The following CAMTA1 variants were observed in gnomAD, a reference collection of about 807,000 sequenced individuals.
The protein encoded by CAMTA1 is calmodulin-binding transcription activator 1.
A neutral mutation model predicts 170.9 loss-of-function variants in CAMTA1; 27 were observed. That is an observed-to-expected ratio of 0.16 (90% CI 0.12 to 0.22). The LOEUF is 0.22. Ranked by LOEUF, CAMTA1 falls within the 10% of genes least tolerant of loss-of-function variation. The pLI is 1.00. For missense variants in CAMTA1, 1,619 were observed against 2,217.2 expected (o/e 0.73, Z 5.42); for synonymous variants, 833 against 891.5 (o/e 0.93, Z 1.17).
chr1:7,228,138 C>T (rs1662047572), intron 4 of CAMTA1, among the ~76,000 whole-genome samples: 1 of 152,252 alleles, frequency 6.6e-6, no homozygotes, highest in African/African-American at 2.4e-5. Flanking sequence ...GATTGGGGAA[C>T]ATCATGGCTG....
intron 6 of CAMTA1, among the ~76,000 whole-genome samples, chr1:7,491,747 A>G (rs964620789): frequency 1.3e-5 from 2 of 152,218 alleles, no homozygotes; most frequent in African/African-American, 4.8e-5. Flanking sequence ...TTTCAAGAGG[A>G]TAATAATGTT....
At chr1:7,655,210 A>G (rs1448573488) in intron 7 of CAMTA1, among the ~76,000 whole-genome samples, 1 of 118,800 alleles carries the variant, frequency 8.4e-6, no homozygotes, top group Non-Finnish European at 1.8e-5. Flanking sequence ...ATACACACAA[A>G]CACACCCATC....
chr1:7,547,357 C>T lies in CAMTA1; in HGVS notation c.510+79456C>T, dbSNP rs1240611070. Among the ~76,000 whole-genome samples, 1 of 91,542 alleles carries T rather than the reference C, an allele frequency of 1.1e-5. No homozygotes were observed. The highest frequency in any genetic ancestry group is 3.3e-5 in the African/African-American group (1 of 30,454). 60.1% of individuals were successfully genotyped at this position (91,542 alleles called of 152,430 possible). On this transcript the variant is annotated intron_variant, in intron 6 of 22. Coordinates refer to ENST00000303635, the MANE Select transcript of CAMTA1 (RefSeq NM_015215.4). This position sits in a 1 kb window ranked among gnomAD's most constrained non-coding sequence, Gnocchi z 5.7. ...AATATATGTATCATATGCACACACA[C>T]ACACACACACACACACACACACACA...
At chr1:7,659,768 C>T (rs1327721385) in intron 7 of CAMTA1, among the ~76,000 whole-genome samples, 2 of 152,252 alleles carry the variant, frequency 1.3e-5, no homozygotes, top group Admixed American at 6.5e-5. Context: ...ACAGTCATTA[C>T]TGTCATCACC....
chr1:7,446,144 C>G (rs972189448), intron 5 of CAMTA1, among the ~76,000 whole-genome samples: 3 of 149,814 alleles, frequency 2.0e-5, no homozygotes, highest in African/African-American at 7.5e-5. Context: ...AAAAGAATTT[C>G]TCTCTGGAAT....
chr1:7,418,684 G>T (rs142532781), intron 5 of CAMTA1, among the ~76,000 whole-genome samples: 4 of 152,166 alleles, frequency 2.6e-5, no homozygotes, highest in African/African-American at 9.7e-5. Flanking sequence ...GGAGCCCAAA[G>T]CTGAGCCCCT....
chr1:7,434,949 G>A (rs2092300845), intron 5 of CAMTA1, among the ~76,000 whole-genome samples: 1 of 152,062 alleles, frequency 6.6e-6, no homozygotes, highest in Admixed American at 6.5e-5. Context: ...CTACTGGGTA[G>A]GCTGAGGTAA....
At chr1:6,847,928 G>A (rs1039907276) in intron 3 of CAMTA1, among the ~76,000 whole-genome samples, 3 of 150,638 alleles carry the variant, frequency 2.0e-5, no homozygotes, top group African/African-American at 7.3e-5. Flanking sequence ...GGTCAGGCTG[G>A]TCTTGAACTC....
chr1:7,546,538 C>A (rs2094695621), intron 6 of CAMTA1, among the ~76,000 whole-genome samples: 1 of 152,180 alleles, frequency 6.6e-6, no homozygotes, highest in Admixed American at 6.5e-5. Context: ...ATTGCTGGGT[C>A]AAATGGTATT....
At chr1:6,945,006 C>T (rs911662193) in intron 3 of CAMTA1, among the ~76,000 whole-genome samples, 3 of 152,112 alleles carry the variant, frequency 2.0e-5, no homozygotes, top group Non-Finnish European at 4.4e-5. Flanking sequence ...CGTCGAGGAG[C>T]GCCTGCGTGT....
At chr1:7,061,789 A>G (rs1471559833) in intron 3 of CAMTA1, among the ~76,000 whole-genome samples, 1 of 151,730 alleles carries the variant, frequency 6.6e-6, no homozygotes, top group South Asian at 2.1e-4. Context: ...GCAGCAGAGC[A>G]GGGGGTGGCG....
At chr1:7,386,749 A>G (rs2088040560) in intron 5 of CAMTA1, among the ~76,000 whole-genome samples, 1 of 152,144 alleles carries the variant, frequency 6.6e-6, no homozygotes. Flanking sequence ...CCTGTTTCCC[A>G]AGGCTAAGAA....
At chr1:7,544,806 G>A (rs1334125158) in intron 6 of CAMTA1, among the ~76,000 whole-genome samples, 3 of 152,172 alleles carry the variant, frequency 2.0e-5, no homozygotes, top group African/African-American at 4.8e-5. Context: ...AAGATAACAC[G>A]TGGCAAGAGA....
intron 5 of CAMTA1, among the ~76,000 whole-genome samples, chr1:7,391,202 G>A (rs1263341900): frequency 6.6e-6 from 1 of 152,084 alleles, no homozygotes; most frequent in African/African-American, 2.4e-5. Context: ...TCTCCATGTT[G>A]GTCAGGCTGG....
At position 7,073,425 on chromosome 1, in the gene CAMTA1, C is replaced by T. The variant is rs935103177; in HGVS notation, c.235-17879C>T. On this transcript the variant is annotated intron_variant, in intron 3 of 22. Transcript: ENST00000303635. ...TTTGGGGTAGTCAGTGCAGAGATGACGTTTAAAGTTCTGAGTCTGGGTGAG... is the reference window on the plus strand; with the variant it reads ...TTTGGGGTAGTCAGTGCAGAGATGATGTTTAAAGTTCTGAGTCTGGGTGAG... 3.9e-5 allele frequency among the ~76,000 whole-genome samples: 6 copies of T among 152,006 alleles called. No homozygotes were observed. The East Asian group carries it at 9.7e-4, about 25-fold the overall frequency.
intron 6 of CAMTA1, among the ~76,000 whole-genome samples, chr1:7,638,329 C>T (rs1431844227): frequency 2.6e-5 from 4 of 152,078 alleles, no homozygotes; most frequent in Non-Finnish European, 5.9e-5. Context: ...GCCATGTTTC[C>T]TTAGGAGAAT....
intron 3 of CAMTA1, among the ~76,000 whole-genome samples, chr1:6,991,666 T>G (rs1006071416): frequency 1.3e-5 from 2 of 152,220 alleles, no homozygotes; most frequent in African/African-American, 4.8e-5. Flanking sequence ...TGTGGCCTGC[T>G]TATTCATTTT....
chr1:7,579,798 A>G (rs1356438153), intron 6 of CAMTA1, among the ~76,000 whole-genome samples: 1 of 151,956 alleles, frequency 6.6e-6, no homozygotes, highest in Non-Finnish European at 1.5e-5. Flanking sequence ...GACCTCAAGC[A>G]ATCCACCAGC....
At chr1:7,354,941 C>A (rs558211536) in intron 5 of CAMTA1, among the ~76,000 whole-genome samples, 1 of 152,256 alleles carries the variant, frequency 6.6e-6, no homozygotes, top group South Asian at 2.1e-4. Context: ...GTGGCTCACA[C>A]CTGTAATTCC....
Sources: allele counts gnomAD v4.1 joint callset (sites outside exome capture counted in the v4.1 genomes callset), GRCh38; gene constraint gnomAD v4.1.1; non-coding constraint Gnocchi (gnomAD v3.1); transcripts MANE v1.5; gene names NCBI Gene and HGNC (gene_info 2026-07-23, HGNC 2026-07-21).